ERBB4: variants seen among roughly 807,000 people sequenced by gnomAD.
ERBB4 encodes the protein receptor tyrosine-protein kinase erbB-4.
Under a neutral mutation model 158.0 loss-of-function variants are expected in ERBB4, and 42 were observed. The observed-to-expected ratio is 0.27, with a 90% CI of 0.21 to 0.34. ERBB4 has a LOEUF of 0.34. Ranked by LOEUF, ERBB4 falls within the 10% of genes least tolerant of loss-of-function variation. The probability of loss-of-function intolerance (pLI) is 1.00; values close to 1 mark genes in which losing one functional copy is unlikely to be tolerated. For synonymous variants in ERBB4, 583 were observed against 558.7 expected, an observed-to-expected ratio of 1.04 and a Z score of -0.61; for missense variants, 1,333 against 1,624.1, an observed-to-expected ratio of 0.82 and a Z score of 3.08.
At chr2:212,336,283 A>T (rs1360866541) in intron 1 of ERBB4, among the ~76,000 whole-genome samples, 1 of 151,982 alleles carries the variant, frequency 6.6e-6, no homozygotes, top group African/African-American at 2.4e-5. Context: ...CCATCTTTTC[A>T]TTAAGAAGTC....
intron 1 of ERBB4, among the ~76,000 whole-genome samples, chr2:212,149,814 G>A (rs963299855): frequency 3.3e-5 from 5 of 152,030 alleles, no homozygotes; most frequent in Admixed American, 2.0e-4. Flanking sequence ...GGAGTAGACC[G>A]ACATGGCAAC....
At chr2:211,413,134 C>CA (rs1405322299) in intron 25 of ERBB4, among the ~76,000 whole-genome samples, 2 of 150,962 alleles carry the variant, frequency 1.3e-5, no homozygotes, top group African/African-American at 4.9e-5. Context: ...TGTCTTCACA[C>CA]AAAAAAATGT....
At chr2:212,014,085 G>GA (rs1258005134) in intron 2 of ERBB4, among the ~76,000 whole-genome samples, 1 of 152,168 alleles carries the variant, frequency 6.6e-6, no homozygotes, top group Non-Finnish European at 1.5e-5. Flanking sequence ...AAATACTGGA[G>GA]AAAAACCTCT....
intron 1 of ERBB4, among the ~76,000 whole-genome samples, chr2:212,153,944 C>T (rs572424467): frequency 6.6e-6 from 1 of 151,968 alleles, no homozygotes; most frequent in East Asian, 1.9e-4. Context: ...AGGTTAAGTA[C>T]GTATGGAAAA....
intron 1 of ERBB4, among the ~76,000 whole-genome samples, chr2:212,390,381 T>C (rs1050212050): frequency 4.6e-5 from 7 of 151,822 alleles, no homozygotes; most frequent in Non-Finnish European, 1.0e-4. Context: ...TTTCTTGTTA[T>C]TGTTTTAAAT....
chr2:212,291,468 T>A (rs2086203952), intron 1 of ERBB4, among the ~76,000 whole-genome samples: 1 of 152,140 alleles, frequency 6.6e-6, no homozygotes, highest in African/African-American at 2.4e-5. Context: ...AATTTTGTTG[T>A]TAATGCTAAA....
chr2:211,761,173 G>A (rs556590586), intron 4 of ERBB4, among the ~76,000 whole-genome samples: 5 of 122,554 alleles, frequency 4.1e-5, no homozygotes, highest in African/African-American at 6.3e-5. Context: ...CCAGCCTGGC[G>A]ACAGGGTGAG....
intron 13 of ERBB4, among the ~76,000 whole-genome samples, chr2:211,677,496 G>A (rs1329592298): frequency 6.6e-6 from 1 of 151,688 alleles, no homozygotes; most frequent in Non-Finnish European, 1.5e-5. Context: ...CTGGGAGGTG[G>A]AGGTTGTGGT....
intron 10 of ERBB4, among the ~76,000 whole-genome samples, 168 bp from the exon 11 acceptor site, chr2:211,704,362 G>A (rs1232523545): frequency 6.6e-6 from 1 of 152,172 alleles, no homozygotes; most frequent in Non-Finnish European, 1.5e-5. Context: ...TTCCAAGATT[G>A]AGTGTCCTAC....
intron 3 of ERBB4, among the ~76,000 whole-genome samples, chr2:211,875,281 A>T (rs181233621): frequency 2.6e-5 from 4 of 152,288 alleles, no homozygotes; most frequent in Admixed American, 2.6e-4. Context: ...AAAATTTAAG[A>T]GTGCTGAGCA....
At chr2:212,227,845 G>A (rs1454173632) in intron 1 of ERBB4, among the ~76,000 whole-genome samples, 1 of 151,974 alleles carries the variant, frequency 6.6e-6, no homozygotes, top group Non-Finnish European at 1.5e-5. Context: ...AGTCTTATGG[G>A]AACTCACTTT....
At chr2:211,415,915 C>A (rs2063379123) in intron 25 of ERBB4, among the ~76,000 whole-genome samples, 1 of 152,124 alleles carries the variant, frequency 6.6e-6, no homozygotes, top group African/African-American at 2.4e-5. Context: ...AATAAAGTTA[C>A]TTCTTAGCAG....
chr2:212,482,035 C>T (rs566420130), intron 1 of ERBB4, among the ~76,000 whole-genome samples: 3 of 152,312 alleles, frequency 2.0e-5, no homozygotes, highest in South Asian at 4.1e-4. Flanking sequence ...CATCCCACTT[C>T]TCTATAAACA....
At position 211,431,003 on chromosome 2, in the gene ERBB4, A is replaced by G; in HGVS notation, c.2585T>C (p.Phe862Ser). 5.0e-6 allele frequency: 8 copies of G among 1,613,986 alleles called. No homozygotes were observed. The highest frequency in any genetic ancestry group is 6.8e-6 in the Non-Finnish European group (8 of 1,179,880). Residue 862 changes from phenylalanine (F) to serine (S), a missense_variant, in exon 21 of 28, where the codon TTT becomes TCT. Phe to Ser is a radical substitution (Grantham distance 155). This residue lies in a region of ERBB4 where 314 missense variants were observed against 437.6 expected (regional missense o/e 0.72). Transcript: ENST00000342788. Reference protein sequence around the residue: ...KSPNHVKITDFGLARLLEGDE... With the variant: ...KSPNHVKITDSGLARLLEGDE... ...TCCTTCCAAGAGTCTGGCTAGCCCAAAATCTGTGATTTTCACATGGTTTGG... is the reference window on the plus strand; with the variant it reads ...TCCTTCCAAGAGTCTGGCTAGCCCAGAATCTGTGATTTTCACATGGTTTGG...
intron 2 of ERBB4, among the ~76,000 whole-genome samples, chr2:212,037,761 T>C (rs904640857): frequency 3.3e-5 from 5 of 152,204 alleles, no homozygotes; most frequent in Admixed American, 1.3e-4. Context: ...AATTAAAAAT[T>C]AATCTTTTCT....
intron 2 of ERBB4, among the ~76,000 whole-genome samples, chr2:212,080,504 G>T (rs966356973): frequency 1.3e-5 from 2 of 151,052 alleles, no homozygotes; most frequent in African/African-American, 4.9e-5. Context: ...CATCCATTAC[G>T]AATGTGTTTC....
intron 3 of ERBB4, among the ~76,000 whole-genome samples, chr2:211,846,129 C>T (rs1307169219): frequency 6.6e-6 from 1 of 151,234 alleles, no homozygotes; most frequent in Middle Eastern, 3.4e-3. Context: ...AGGGCATTTC[C>T]CTCTAGCAAT....
At position 211,551,199 on chromosome 2, in the gene ERBB4, C is replaced by T. The variant is rs530650927; in HGVS notation, c.2487+10704G>A. 7.2e-5 allele frequency among the ~76,000 whole-genome samples: 11 copies of T among 152,270 alleles called. No homozygotes were observed. In the South Asian group the frequency reaches 2.3e-3, roughly 32 times the overall value. On this transcript the variant is annotated intron_variant, in intron 20 of 27. Coordinates refer to ENST00000342788, the MANE Select transcript of ERBB4 (RefSeq NM_005235.3). ...CTGGTAGAGTCACTGAAGCTATTTACTGTGAATAAAATCTTACCATCAAAT... is the reference window on the plus strand; with the variant it reads ...CTGGTAGAGTCACTGAAGCTATTTATTGTGAATAAAATCTTACCATCAAAT...
At chr2:211,535,062 T>G (rs1043314247) in intron 20 of ERBB4, among the ~76,000 whole-genome samples, 1 of 152,124 alleles carries the variant, frequency 6.6e-6, no homozygotes, top group Non-Finnish European at 1.5e-5. Context: ...TATGTGCTCC[T>G]GAACTGCTCA....
Sources: allele counts gnomAD v4.1 joint callset (sites outside exome capture counted in the v4.1 genomes callset), GRCh38; gene constraint gnomAD v4.1.1; regional missense constraint gnomAD v4.1.1; transcripts MANE v1.5; gene names NCBI Gene and HGNC (gene_info 2026-07-23, HGNC 2026-07-21).